PACRG: variants seen among roughly 807,000 people sequenced by gnomAD.
The protein encoded by PACRG is parkin coregulated, also known as parkin coregulated gene protein.
Under a neutral mutation model 29.7 loss-of-function variants are expected in PACRG, and 29 were observed. That is an observed-to-expected ratio of 0.98 (90% CI 0.73 to 1.33). The LOEUF (loss-of-function observed/expected upper bound fraction) is 1.33, where lower values mean the gene tolerates loss of function less well. Among genes scored for constraint, PACRG ranks in the 40% most tolerant of loss-of-function variants. The pLI is 0.00. For missense variants in PACRG, 279 were observed against 316.2 expected (o/e 0.88, Z 0.89); for synonymous variants, 116 against 118.7 (o/e 0.98, Z 0.15).
intron 2 of PACRG, among the ~76,000 whole-genome samples, chr6:162,980,822 A>C (rs73783954): frequency 6.6e-6 from 1 of 152,170 alleles, no homozygotes; most frequent in African/African-American, 2.4e-5. Context: ...ACAGGAAACT[A>C]TGGTAATTAC....
chr6:162,988,302 G>C (rs552251162), intron 2 of PACRG, among the ~76,000 whole-genome samples: 1 of 152,278 alleles, frequency 6.6e-6, no homozygotes, highest in African/African-American at 2.4e-5. Context: ...TTGGAGCAGA[G>C]ATTTAACTGA....
chr6:163,161,987 T>C (rs1778575792), intron 4 of PACRG, among the ~76,000 whole-genome samples: 1 of 152,226 alleles, frequency 6.6e-6, no homozygotes, highest in Non-Finnish European at 1.5e-5. Flanking sequence ...GACTGATACA[T>C]ACCTGCCAGA....
chr6:162,768,458 T>G (rs1782968070), intron 1 of PACRG, among the ~76,000 whole-genome samples: 1 of 152,172 alleles, frequency 6.6e-6, no homozygotes, highest in African/African-American at 2.4e-5. Context: ...TTTCAATACA[T>G]TAGAAACATT....
intron 4 of PACRG, chr6:163,101,568 C>A: frequency 3.0e-6 from 1 of 335,108 alleles, no homozygotes; most frequent in Non-Finnish European, 4.2e-6. Context: ...AGAATCAGTA[C>A]CTTTTCTATT....
intron 2 of PACRG, among the ~76,000 whole-genome samples, chr6:162,850,145 G>A (rs1790736646): frequency 6.6e-6 from 1 of 152,046 alleles, no homozygotes; most frequent in South Asian, 2.1e-4. Flanking sequence ...CAAGTGCATG[G>A]TCTATGATCT....
At chr6:163,250,903 A>ATC (rs1388059052) in intron 4 of PACRG, among the ~76,000 whole-genome samples, 2 of 150,444 alleles carry the variant, frequency 1.3e-5, no homozygotes, top group Non-Finnish European at 3.0e-5. Context: ...ATATATATAT[A>ATC]TATACACTAT....
chr6:162,941,028 GTATA>G (rs1163400497), intron 2 of PACRG, among the ~76,000 whole-genome samples: 4 of 147,902 alleles, frequency 2.7e-5, no homozygotes, highest in South Asian at 2.1e-4. Context: ...GTGTGTGTTT[GTATA>G]TGTGTGTGTT....
chr6:163,203,821 T>C (rs922243196), intron 4 of PACRG, among the ~76,000 whole-genome samples: 1 of 152,224 alleles, frequency 6.6e-6, no homozygotes, highest in African/African-American at 2.4e-5. Flanking sequence ...AGCTGATGCA[T>C]GTAAAAGCTG....
At chr6:162,865,569 T>C (rs1230519208) in intron 2 of PACRG, among the ~76,000 whole-genome samples, 2 of 152,170 alleles carry the variant, frequency 1.3e-5, no homozygotes. Context: ...ATAATTCCAC[T>C]CAACTCTGCT....
chr6:162,928,893 AT>A (rs1797646067), intron 2 of PACRG, among the ~76,000 whole-genome samples: 1 of 151,930 alleles, frequency 6.6e-6, no homozygotes, highest in Non-Finnish European at 1.5e-5. Flanking sequence ...CATGGCATAT[AT>A]TACTTAACAT....
intron 4 of PACRG, among the ~76,000 whole-genome samples, chr6:163,247,204 G>A (rs530566640): frequency 4.0e-4 from 61 of 152,280 alleles, no homozygotes; most frequent in African/African-American, 1.5e-3. Flanking sequence ...ATTAAAGGGA[G>A]TTTCATAATT....
At chr6:163,239,746 C>A (rs1167918125) in intron 4 of PACRG, among the ~76,000 whole-genome samples, 1 of 146,502 alleles carries the variant, frequency 6.8e-6, no homozygotes, top group Admixed American at 6.8e-5. Flanking sequence ...ACTCACACTC[C>A]CACATGCACA....
intron 2 of PACRG, among the ~76,000 whole-genome samples, chr6:162,895,071 G>A (rs534966387): frequency 6.6e-6 from 1 of 151,744 alleles, no homozygotes; most frequent in East Asian, 1.9e-4. Context: ...CACCTGCCTG[G>A]GCAACATGGT....
chr6:162,735,893 A>G (rs533362204), intron 1 of PACRG, among the ~76,000 whole-genome samples: 2 of 152,342 alleles, frequency 1.3e-5, no homozygotes, highest in South Asian at 4.1e-4. Context: ...TGGAAATGAA[A>G]TAGAATAAAC....
At chr6:162,898,306 G>C (rs925287451) in intron 2 of PACRG, among the ~76,000 whole-genome samples, 1 of 152,194 alleles carries the variant, frequency 6.6e-6, no homozygotes, top group African/African-American at 2.4e-5. Flanking sequence ...AGCGTAGGTT[G>C]AACTCCTTGA....
intron 2 of PACRG, among the ~76,000 whole-genome samples, chr6:162,969,497 T>C (rs1801348991): frequency 6.6e-6 from 1 of 151,988 alleles, no homozygotes; most frequent in South Asian, 2.1e-4. Context: ...CACTATTCCA[T>C]AGCCACAAGA....
At chr6:162,962,624 C>T (rs531449161) in intron 2 of PACRG, among the ~76,000 whole-genome samples, 69 of 152,238 alleles carry the variant, frequency 4.5e-4, no homozygotes, top group African/African-American at 1.5e-3. Flanking sequence ...AGGGAGAAGG[C>T]AGCTGTCATC....
chr6:162,794,974 A>G (rs1277177525), intron 1 of PACRG, among the ~76,000 whole-genome samples: 2 of 152,124 alleles, frequency 1.3e-5, no homozygotes, highest in Admixed American at 6.6e-5. Flanking sequence ...AAAGATCTGG[A>G]TAAGGGGGTT....
chr6:163,041,623 T>C (rs1259092609), intron 2 of PACRG, among the ~76,000 whole-genome samples: 2 of 152,168 alleles, frequency 1.3e-5, no homozygotes, highest in Non-Finnish European at 2.9e-5. Context: ...CTTCGTAAAT[T>C]ACCCAGTCTC....
Sources: gnomAD v4.1 joint callset for allele counts (sites outside exome capture counted in the v4.1 genomes callset) on GRCh38, gnomAD v4.1.1 for gene constraint, MANE v1.5 for transcripts, NCBI Gene and HGNC (gene_info 2026-07-23, HGNC 2026-07-21) for gene names.